Variants in TENM1 observed in about 807,000 individuals in gnomAD.
The protein encoded by TENM1 is teneurin-1.
A neutral mutation model predicts 174.8 loss-of-function variants in TENM1; 35 were observed. The ratio of observed to expected loss-of-function variants is 0.20; its 90% CI spans 0.15 to 0.27. The LOEUF (loss-of-function observed/expected upper bound fraction) is 0.27. Among genes scored for constraint, TENM1 ranks in the 10% least tolerant of loss-of-function variants. TENM1 has a pLI of 1.00. For missense variants in TENM1, 1,633 were observed against 2,130.1 expected, an observed-to-expected ratio of 0.77 and a Z score of 4.59; for synonymous variants, 781 against 798.7, an observed-to-expected ratio of 0.98 and a Z score of 0.37.
At chrX:124,788,130 A>T (rs1319038244) in intron 3 of TENM1, among the ~76,000 whole-genome samples, 1 of 111,573 alleles carries the variant, frequency 9.0e-6, no homozygotes, top group Non-Finnish European at 1.9e-5. Context: ...ATCTCCCCCC[A>T]GGTCCTTCCC....
At chrX:125,117,469 C>A in the TENM1 span, among the ~76,000 whole-genome samples, 1 of 111,164 alleles carries the variant, frequency 9.0e-6, no homozygotes, top group East Asian at 2.8e-4. Context: ...CCAAACACTG[C>A]ATGTTCTCAT....
chrX:124,627,499 C>G (rs971950823), intron 11 of TENM1, among the ~76,000 whole-genome samples: 3 of 111,703 alleles, frequency 2.7e-5, no homozygotes, highest in Admixed American at 9.5e-5. Context: ...GGCCAGGCTC[C>G]GTGGCAGTTA....
intron 1 of TENM1, among the ~76,000 whole-genome samples, chrX:124,916,162 C>G (rs2147658525): frequency 8.9e-6 from 1 of 111,815 alleles, no homozygotes; most frequent in Non-Finnish European, 1.9e-5. Context: ...CCATTTTAGA[C>G]TTGTGATCTG....
intron 2 of TENM1, 135 bp downstream of exon 5, chrX:124,895,846 T>G (rs966400386): frequency 2.3e-5 from 17 of 725,078 alleles, no homozygotes; most frequent in African/African-American, 1.7e-4. Context: ...GCCTTGTCCA[T>G]GAGTCCCTGC....
intron 14 of TENM1, among the ~76,000 whole-genome samples, chrX:124,553,781 C>T (rs1242455518): frequency 9.0e-6 from 1 of 111,083 alleles, no homozygotes; most frequent in African/African-American, 3.3e-5. Flanking sequence ...TTGCTATTTC[C>T]TCAATGACTA....
chrX:125,144,870 TG>T, the TENM1 span, among the ~76,000 whole-genome samples: 1 of 110,330 alleles, frequency 9.1e-6, no homozygotes, highest in Non-Finnish European at 1.9e-5. Flanking sequence ...CCCAAGTAGC[TG>T]GGATTACAGG....
At chrX:124,904,060 T>C (rs2057706843) in intron 1 of TENM1, among the ~76,000 whole-genome samples, 1 of 107,099 alleles carries the variant, frequency 9.3e-6, no homozygotes, top group African/African-American at 3.7e-5. Context: ...AATGGGTGCG[T>C]GTGTGTGTGC....
exon 26 of TENM1, chrX:124,406,375 T>C (rs2060462669): frequency 8.3e-7 from 1 of 1,210,323 alleles, no homozygotes; most frequent in Non-Finnish European, 1.1e-6. Context: ...TGAGGACATT[T>C]TCACGGTTGG....
At chrX:124,782,381 T>C (rs952642334) in intron 3 of TENM1, among the ~76,000 whole-genome samples, 1 of 111,153 alleles carries the variant, frequency 9.0e-6, no homozygotes, top group African/African-American at 3.3e-5. Flanking sequence ...ATAAGGCCCT[T>C]ATAAATCCAA....
chrX:124,502,139 A>T (rs2047344886), intron 19 of TENM1, among the ~76,000 whole-genome samples: 1 of 112,370 alleles, frequency 8.9e-6, no homozygotes, highest in African/African-American at 3.2e-5. Flanking sequence ...ACTAAAAATC[A>T]CTGAAGTGTA....
the TENM1 span, among the ~76,000 whole-genome samples, chrX:124,987,331 C>T: frequency 5.1e-4 from 57 of 110,704 alleles, no homozygotes; most frequent in African/African-American, 1.4e-3. Flanking sequence ...ATACAAAATA[C>T]GGGGAAAAGT....
the TENM1 span, among the ~76,000 whole-genome samples, chrX:125,017,786 G>T: frequency 9.0e-6 from 1 of 111,370 alleles, no homozygotes; most frequent in African/African-American, 3.3e-5. Context: ...ACCAAATACT[G>T]CATGTTCTTA....
chrX:124,435,112 C>T (rs2060823163), intron 23 of TENM1, among the ~76,000 whole-genome samples: 1 of 111,365 alleles, frequency 9.0e-6, no homozygotes, highest in South Asian at 3.8e-4. Flanking sequence ...TGAGATAATT[C>T]AGAGTAAGGA....
At chrX:124,651,416 A>G (rs948643577) in intron 8 of TENM1, among the ~76,000 whole-genome samples, 1 of 112,096 alleles carries the variant, frequency 8.9e-6, no homozygotes, top group Non-Finnish European at 1.9e-5. Flanking sequence ...GAATGTCTCA[A>G]GTTATTATCC....
At chrX:124,847,675 G>A (rs2056636438) in intron 3 of TENM1, among the ~76,000 whole-genome samples, 1 of 111,407 alleles carries the variant, frequency 9.0e-6, no homozygotes, top group Non-Finnish European at 1.9e-5. Flanking sequence ...GAATATATCT[G>A]TCAGAAATTG....
intron 11 of TENM1, among the ~76,000 whole-genome samples, chrX:124,568,878 G>GA (rs1030063458): frequency 7.3e-5 from 8 of 109,717 alleles, no homozygotes; most frequent in Non-Finnish European, 1.5e-4. Flanking sequence ...CATGGAATCA[G>GA]AAAAAAAAAT....
chrX:125,087,376 C>G, the TENM1 span, among the ~76,000 whole-genome samples: 1 of 110,876 alleles, frequency 9.0e-6, no homozygotes, highest in Non-Finnish European at 1.9e-5. Context: ...CTATGAAAAT[C>G]ATTGGTCACA....
At chrX:124,702,571 A>G (rs2052801458) in intron 5 of TENM1, among the ~76,000 whole-genome samples, 1 of 112,466 alleles carries the variant, frequency 8.9e-6, no homozygotes. Flanking sequence ...TTGAATTTGT[A>G]ATTTAATAAG....
chrX:125,045,951 C>T, the TENM1 span, among the ~76,000 whole-genome samples: 80 of 111,540 alleles, frequency 7.2e-4, no homozygotes, highest in Non-Finnish European at 1.2e-3. Flanking sequence ...AACATATTCT[C>T]TTTTTTTTCT....
Sources: gnomAD v4.1 joint callset for allele counts (sites outside exome capture counted in the v4.1 genomes callset) on GRCh38, gnomAD v4.1.1 for gene constraint, MANE v1.5 for transcripts, NCBI Gene and HGNC (gene_info 2026-07-23, HGNC 2026-07-21) for gene names.